Variants in DSCAM observed in about 807,000 individuals in gnomAD.
The protein encoded by DSCAM is cell adhesion molecule DSCAM.
A neutral mutation model predicts 217.7 loss-of-function variants in DSCAM; 47 were observed. The ratio of observed to expected loss-of-function variants is 0.22; its 90% CI spans 0.17 to 0.28. The LOEUF (loss-of-function observed/expected upper bound fraction) is 0.28. Ranked by LOEUF, DSCAM falls within the 10% of genes least tolerant of loss-of-function variation. DSCAM has a pLI of 1.00. For synonymous variants in DSCAM, 1,056 were observed against 1,015.3 expected (o/e 1.04, Z -0.76); for missense variants, 2,080 against 2,618.3 (o/e 0.79, Z 4.49).
At chr21:40,540,898 G>A (rs897537350) in intron 3 of DSCAM, among the ~76,000 whole-genome samples, 1 of 151,818 alleles carries the variant, frequency 6.6e-6, no homozygotes, top group Non-Finnish European at 1.5e-5. Flanking sequence ...TTTGTTTGGG[G>A]TATTTTTTTT....
chr21:40,698,171 C>T (rs1369619003), intron 2 of DSCAM, among the ~76,000 whole-genome samples: 2 of 152,166 alleles, frequency 1.3e-5, no homozygotes, highest in African/African-American at 4.8e-5. Flanking sequence ...CAAGAGATCA[C>T]ACGGTTGGTC....
At chr21:40,809,875 C>T (rs988442880) in intron 1 of DSCAM, among the ~76,000 whole-genome samples, 3 of 152,124 alleles carry the variant, frequency 2.0e-5, no homozygotes, top group East Asian at 1.9e-4. Flanking sequence ...AGGAAAAGGG[C>T]GATGACGTGG....
intron 20 of DSCAM, among the ~76,000 whole-genome samples, chr21:40,112,874 T>C (rs1275595436): frequency 6.6e-6 from 1 of 152,110 alleles, no homozygotes; most frequent in Non-Finnish European, 1.5e-5. Flanking sequence ...AGAAAGAAGT[T>C]GAATCTCTGA....
chr21:40,038,103 A>C (rs1439625351), intron 32 of DSCAM, among the ~76,000 whole-genome samples: 5 of 151,930 alleles, frequency 3.3e-5, no homozygotes, highest in African/African-American at 1.2e-4. Flanking sequence ...GGACATAAGC[A>C]TGGGTAAGGA....
intron 11 of DSCAM, among the ~76,000 whole-genome samples, chr21:40,225,788 T>A (rs2091327762): frequency 6.6e-6 from 1 of 152,126 alleles, no homozygotes; most frequent in Non-Finnish European, 1.5e-5. Flanking sequence ...AGAGCCTCGA[T>A]TTGTGTGAAC....
intron 2 of DSCAM, among the ~76,000 whole-genome samples, chr21:40,696,059 G>C (rs2090591490): frequency 6.6e-6 from 1 of 151,584 alleles, no homozygotes; most frequent in South Asian, 2.1e-4. Context: ...AACAGACACT[G>C]GGCTAGAAAC....
chr21:40,530,145 G>T (rs1439361004), intron 3 of DSCAM, among the ~76,000 whole-genome samples: 1 of 152,118 alleles, frequency 6.6e-6, no homozygotes, highest in Non-Finnish European at 1.5e-5. Flanking sequence ...CAAACCAAGT[G>T]CACCATTCCA....
At chr21:40,311,595 A>ATTAAATG (rs2074138179) in intron 9 of DSCAM, among the ~76,000 whole-genome samples, 1 of 152,230 alleles carries the variant, frequency 6.6e-6, no homozygotes, top group Non-Finnish European at 1.5e-5. Context: ...AATAGAATAG[A>ATTAAATG]TGGGCAAAGA....
At chr21:40,768,877 A>T (rs2091419853) in intron 1 of DSCAM, among the ~76,000 whole-genome samples, 1 of 152,216 alleles carries the variant, frequency 6.6e-6, no homozygotes. Context: ...AACAAGAGGA[A>T]AAAACAAGGC....
Position 40,109,204 on chromosome 21 carries a change from G to A in DSCAM, c.3696+14991C>T, listed in dbSNP as rs117800978. Among the ~76,000 whole-genome samples the A allele has an allele frequency of 4.9e-4, 75 of 152,302 alleles. No homozygotes were observed. In the East Asian group the frequency reaches 0.014, roughly 28 times the overall value. On this transcript the variant is annotated intron_variant, in intron 20 of 32. Coordinates refer to ENST00000400454, the MANE Select transcript of DSCAM (RefSeq NM_001389.5). ...TGCAGCAAAAGAAATTATCAACAGA[G>A]TAAACAGCTGACAGAATGGGAGAAA...
intron 16 of DSCAM, among the ~76,000 whole-genome samples, chr21:40,160,297 G>A (rs780444722): frequency 6.6e-5 from 10 of 151,792 alleles, no homozygotes; most frequent in South Asian, 2.1e-4. Context: ...GATGGGTGTC[G>A]TATCTAATTT....
At chr21:40,651,146 T>A (rs1376948543) in intron 3 of DSCAM, among the ~76,000 whole-genome samples, 6 of 152,082 alleles carry the variant, frequency 3.9e-5, no homozygotes, top group Non-Finnish European at 8.8e-5. Context: ...GCAGCTCAGG[T>A]CATTGCCTCA....
At chr21:40,288,421 A>T (rs1310982231) in intron 10 of DSCAM, among the ~76,000 whole-genome samples, 1 of 152,236 alleles carries the variant, frequency 6.6e-6, no homozygotes, top group East Asian at 1.9e-4. Flanking sequence ...AAGTTATCTT[A>T]ATATGCATCT....
At chr21:40,195,463 G>A (rs1179341630) in intron 11 of DSCAM, among the ~76,000 whole-genome samples, 1 of 152,160 alleles carries the variant, frequency 6.6e-6, no homozygotes, top group South Asian at 2.1e-4. Context: ...TTATAGAGAA[G>A]AAAGGGTGTC....
intron 3 of DSCAM, among the ~76,000 whole-genome samples, chr21:40,639,906 G>A (rs28496000): frequency 0.13 from 20,179 of 152,078 alleles, 1,711 homozygotes; most frequent in Admixed American, 0.23. Context: ...CTTAATGGGA[G>A]GAGAAAAAAA....
rs568631376 is a variant in DSCAM, at chr21:40,092,153, G to A, written c.3850+1568C>T. ...TAGTAAAAATAATGTATACACTTCC[G>A]TATCTGGCTCATGAAAACCTCTCAT... On this transcript the variant is annotated intron_variant, in intron 21 of 32. Transcript: ENST00000400454. 8.0e-4 allele frequency among the ~76,000 whole-genome samples: 121 copies of A among 152,128 alleles called. 1 individual carries two copies. Among genetic ancestry groups the A allele is most frequent in the Non-Finnish European group, 1.3e-3 (88 of 68,004 alleles).
intron 17 of DSCAM, among the ~76,000 whole-genome samples, chr21:40,143,297 C>T (rs1486070574): frequency 6.6e-6 from 1 of 152,072 alleles, no homozygotes; most frequent in Non-Finnish European, 1.5e-5. Flanking sequence ...TAAATGTTGG[C>T]GCTGGGGCGG....
intron 11 of DSCAM, among the ~76,000 whole-genome samples, chr21:40,204,399 C>G (rs1339476603): frequency 3.3e-5 from 5 of 152,184 alleles, no homozygotes; most frequent in African/African-American, 1.2e-4. Context: ...ATCTTGAAAC[C>G]TTTCTCCCAA....
At chr21:40,423,720 G>A (rs1250451133) in intron 3 of DSCAM, among the ~76,000 whole-genome samples, 1 of 152,122 alleles carries the variant, frequency 6.6e-6, no homozygotes, top group African/African-American at 2.4e-5. Context: ...AAGAATTGGT[G>A]TTGCTATAGA....
Sources: gnomAD v4.1 joint callset for allele counts (sites outside exome capture counted in the v4.1 genomes callset) on GRCh38, gnomAD v4.1.1 for gene constraint, MANE v1.5 for transcripts, NCBI Gene and HGNC (gene_info 2026-07-23, HGNC 2026-07-21) for gene names.